FGF13: variants seen among roughly 807,000 people sequenced by gnomAD.
FGF13 encodes fibroblast growth factor 13.
In FGF13, 2 loss-of-function variants were observed where a neutral mutation model predicts 19.5. The observed-to-expected ratio is 0.10, with a 90% CI of 0.04 to 0.32. The LOEUF (loss-of-function observed/expected upper bound fraction) is 0.32. Ranked by LOEUF, FGF13 falls within the 10% of genes least tolerant of loss-of-function variation. The pLI is 1.00. For synonymous variants in FGF13, 72 were observed against 76.9 expected, an observed-to-expected ratio of 0.94 and a Z score of 0.33; for missense variants, 113 against 192.7, an observed-to-expected ratio of 0.59 and a Z score of 2.45.
intron 1 of FGF13, among the ~76,000 whole-genome samples, chrX:138,978,260 G>T (rs1179393447): frequency 3.0e-5 from 2 of 67,037 alleles, no homozygotes; most frequent in Admixed American, 4.1e-4. Context: ...TGGGCTAGCT[G>T]CCCTGGTTTT....
At chrX:138,793,396 T>G (rs1349653257) in intron 3 of FGF13, among the ~76,000 whole-genome samples, 1 of 111,296 alleles carries the variant, frequency 9.0e-6, no homozygotes, top group Non-Finnish European at 1.9e-5. Context: ...GTACTTTAAT[T>G]CTTACAAATC....
At chrX:138,659,874 C>T (rs2089473014) in intron 3 of FGF13, among the ~76,000 whole-genome samples, 1 of 110,923 alleles carries the variant, frequency 9.0e-6, no homozygotes, top group South Asian at 3.8e-4. Context: ...CACATGGACA[C>T]AGGCAGGGGA....
intron 1 of FGF13, among the ~76,000 whole-genome samples, chrX:138,948,665 A>G (rs925756658): frequency 8.9e-6 from 1 of 112,106 alleles, no homozygotes; most frequent in Admixed American, 9.5e-5. Context: ...CAATTCTGGA[A>G]TTCAGGGACT....
intron 1 of FGF13, among the ~76,000 whole-genome samples, chrX:138,984,588 A>AAGAAGGAGGAGGAGG (rs2091982501): frequency 1.7e-4 from 2 of 11,515 alleles, no homozygotes; most frequent in Non-Finnish European, 3.8e-4. Context: ...GAAGAAGAAG[A>AAGAAGGAGGAGGAGG]AGGAGGAGGA....
At chrX:139,177,972 C>A (rs891723281) in intron 1 of FGF13, among the ~76,000 whole-genome samples, 4 of 112,157 alleles carry the variant, frequency 3.6e-5, no homozygotes, top group African/African-American at 1.3e-4. Flanking sequence ...GAGGGACTTC[C>A]CCAGCTCCTT....
At chrX:138,723,435 G>A (rs1569375274) in intron 1 of FGF13, among the ~76,000 whole-genome samples, 1 of 111,330 alleles carries the variant, frequency 9.0e-6, no homozygotes, top group African/African-American at 3.3e-5. Flanking sequence ...CCCTGGTGTT[G>A]CCATGGAGAT....
chrX:139,072,009 CA>C (rs547217409), intron 1 of FGF13, among the ~76,000 whole-genome samples: 160 of 24,821 alleles, frequency 6.4e-3, no homozygotes, highest in East Asian at 0.033. Context: ...GATTCCATCT[CA>C]AAAAAAAAAA....
intron 1 of FGF13, among the ~76,000 whole-genome samples, chrX:139,047,575 C>T (rs760980429): frequency 9.0e-6 from 1 of 111,507 alleles, no homozygotes; most frequent in East Asian, 2.8e-4. Flanking sequence ...AGAAAATATG[C>T]TAGCTTTGCC....
intron 3 of FGF13, among the ~76,000 whole-genome samples, chrX:138,852,400 G>T (rs1022970066): frequency 2.7e-5 from 3 of 110,990 alleles, no homozygotes; most frequent in Non-Finnish European, 5.7e-5. Flanking sequence ...AAATAAGACC[G>T]CACACCTACA....
chrX:138,691,348 TTTG>T (rs758415209), intron 3 of FGF13, among the ~76,000 whole-genome samples: 96 of 111,956 alleles, frequency 8.6e-4, no homozygotes, highest in African/African-American at 3.0e-3. Context: ...AAAGAGGACT[TTTG>T]TTGTTGTAGC....
At chrX:138,964,119 C>G (rs2091885802) in intron 1 of FGF13, among the ~76,000 whole-genome samples, 1 of 111,632 alleles carries the variant, frequency 9.0e-6, no homozygotes, top group Non-Finnish European at 1.9e-5. Flanking sequence ...AAGGATACTA[C>G]AGAGACATAC....
rs148880615 is a variant in FGF13 at position 138,739,247 on chromosome X, T to C, written c.23A>G (p.Tyr8Cys). ...ATTGCAGAAATAAATCTTACCTGAA[T>C]ACGACTTCCTTAACAAAGCCATGCT... The change falls in exon 1 of 5, where the codon TAT becomes TGT. Residue 8 changes from tyrosine to cysteine, a missense_variant. Tyr to Cys is a radical substitution (Grantham distance 194, BLOSUM62 -2). Coordinates refer to the FGF13 transcript ENST00000305414. 6.0e-4 allele frequency: 670 copies of C among 1,125,283 alleles called. No individual in the cohort carries two copies. The highest frequency in any genetic ancestry group is 7.8e-4 in the Non-Finnish European group (639 of 819,994). The allele number at this position is 1,125,283 out of a possible 1,213,427, so 92.7% of individuals were successfully genotyped here.
At chrX:138,828,091 C>A (rs2091046133) in intron 3 of FGF13, among the ~76,000 whole-genome samples, 1 of 111,707 alleles carries the variant, frequency 9.0e-6, no homozygotes, top group Non-Finnish European at 1.9e-5. Context: ...TAATTGCAAT[C>A]GGCAGAAGGC....
At chrX:139,140,043 C>T (rs777052089) in intron 1 of FGF13, among the ~76,000 whole-genome samples, 2 of 111,398 alleles carry the variant, frequency 1.8e-5, no homozygotes, top group Non-Finnish European at 3.8e-5. Flanking sequence ...TCCTCTCACT[C>T]TACTCTTCAA....
At chrX:139,114,798 C>G (rs1032830565) in intron 1 of FGF13, among the ~76,000 whole-genome samples, 5 of 111,766 alleles carry the variant, frequency 4.5e-5, no homozygotes. Context: ...CTAGAATGCT[C>G]TACATCAGGA....
chrX:138,845,242 T>A (rs1437493485), intron 3 of FGF13, among the ~76,000 whole-genome samples: 1 of 111,644 alleles, frequency 9.0e-6, no homozygotes, highest in African/African-American at 3.3e-5. Context: ...TAGTCTTTAA[T>A]TCCTCCTTGA....
intron 3 of FGF13, among the ~76,000 whole-genome samples, chrX:138,660,565 A>G: frequency 8.9e-6 from 1 of 111,857 alleles, no homozygotes; most frequent in East Asian, 2.8e-4. Context: ...ACATCAGAGT[A>G]AATGGGGTAT....
chrX:138,858,852 A>G (rs931778109), intron 2 of FGF13, among the ~76,000 whole-genome samples: 2 of 112,087 alleles, frequency 1.8e-5, no homozygotes, highest in African/African-American at 3.2e-5. Flanking sequence ...ATTGGCTGGG[A>G]TCTTAAGGGG....
At chrX:138,978,508 C>T (rs375472584) in intron 1 of FGF13, among the ~76,000 whole-genome samples, 67 of 110,859 alleles carry the variant, frequency 6.0e-4, no homozygotes, top group African/African-American at 2.0e-3. Flanking sequence ...GTGATCCGCC[C>T]GCCGCGGCCT....
Sources: allele counts gnomAD v4.1 joint callset (sites outside exome capture counted in the v4.1 genomes callset), GRCh38; gene constraint gnomAD v4.1.1; transcripts MANE v1.5; gene names NCBI Gene and HGNC (gene_info 2026-07-23, HGNC 2026-07-21).